The following NALF1 variants were observed in gnomAD, a reference collection of about 807,000 sequenced individuals.
The protein encoded by NALF1 is family with sequence similarity 155 member A.
A neutral mutation model predicts 48.4 loss-of-function variants in NALF1; 3 were observed. That is an observed-to-expected ratio of 0.06 (90% confidence interval 0.03 to 0.16). The LOEUF is 0.16. Ranked by LOEUF, NALF1 falls within the 10% of genes least tolerant of loss-of-function variation. NALF1 has a pLI of 1.00. For missense variants in NALF1, 526 were observed against 571.5 expected (o/e 0.92, Z 0.81); for synonymous variants, 262 against 245.7 (o/e 1.07, Z -0.62).
At chr13:107,406,146 C>T (rs536828115) in intron 1 of NALF1, among the ~76,000 whole-genome samples, 3 of 152,138 alleles carry the variant, frequency 2.0e-5, no homozygotes, top group African/African-American at 4.8e-5. Context: ...AAGAACATCA[C>T]ACACTTCCTT....
chr13:107,472,085 A>G (rs1885109812), intron 1 of NALF1, among the ~76,000 whole-genome samples: 1 of 152,196 alleles, frequency 6.6e-6, no homozygotes, highest in East Asian at 1.9e-4. Flanking sequence ...TAATCTCAGA[A>G]CTTTGGGAGG....
At chr13:107,582,338 C>CA in intron 1 of NALF1, among the ~76,000 whole-genome samples, 1 of 152,256 alleles carries the variant, frequency 6.6e-6, no homozygotes. Flanking sequence ...CAGAGGGTAA[C>CA]AAACATGACA....
At chr13:107,337,431 C>A (rs1006156972) in intron 1 of NALF1, among the ~76,000 whole-genome samples, 1 of 152,106 alleles carries the variant, frequency 6.6e-6, no homozygotes, top group East Asian at 1.9e-4. Context: ...TCTCTCTTTG[C>A]AATTCTTCAG....
chr13:107,511,715 A>G (rs1875896795), intron 1 of NALF1, among the ~76,000 whole-genome samples: 1 of 152,090 alleles, frequency 6.6e-6, no homozygotes, highest in South Asian at 2.1e-4. Flanking sequence ...CCAGGGGCCA[A>G]TCTTGTATAA....
chr13:107,455,474 A>G (rs1415452775), intron 1 of NALF1, among the ~76,000 whole-genome samples: 2 of 152,272 alleles, frequency 1.3e-5, no homozygotes, highest in South Asian at 4.2e-4. Flanking sequence ...CCCTGCCTCT[A>G]TCTGCTATGA....
At chr13:107,366,397 CT>C (rs1206709997) in intron 1 of NALF1, among the ~76,000 whole-genome samples, 1 of 152,172 alleles carries the variant, frequency 6.6e-6, no homozygotes, top group African/African-American at 2.4e-5. Context: ...CCTCTGCTGT[CT>C]ATGAAATTCT....
At chr13:107,442,647 A>C (rs1264097844) in intron 1 of NALF1, among the ~76,000 whole-genome samples, 1 of 152,196 alleles carries the variant, frequency 6.6e-6, no homozygotes, top group Non-Finnish European at 1.5e-5. Flanking sequence ...CCTCCAGCAA[A>C]CCTTTTGAAT....
chr13:107,723,374 T>A (rs1876045355), intron 1 of NALF1, among the ~76,000 whole-genome samples: 1 of 152,148 alleles, frequency 6.6e-6, no homozygotes, highest in African/African-American at 2.4e-5. Context: ...CTGTCTAAAT[T>A]GTGTTCCCAT....
chr13:107,304,458 T>A (rs971313138), intron 1 of NALF1, among the ~76,000 whole-genome samples: 1 of 152,210 alleles, frequency 6.6e-6, no homozygotes, highest in African/African-American at 2.4e-5. Flanking sequence ...GGATGTGTTA[T>A]CTCAACTGAT....
At chr13:107,306,109 G>A (rs1201968265) in intron 1 of NALF1, among the ~76,000 whole-genome samples, 1 of 151,996 alleles carries the variant, frequency 6.6e-6, no homozygotes, top group Non-Finnish European at 1.5e-5. Flanking sequence ...CTTTATATAT[G>A]TTTGAAAATT....
chr13:107,532,219 G>A (rs1876662158), intron 1 of NALF1, among the ~76,000 whole-genome samples: 1 of 149,450 alleles, frequency 6.7e-6, no homozygotes, highest in Non-Finnish European at 1.5e-5. Context: ...GCCTTTCAAG[G>A]TCAACATTTT....
chr13:107,817,747 G>T (rs1168762019), intron 1 of NALF1, among the ~76,000 whole-genome samples: 1 of 152,090 alleles, frequency 6.6e-6, no homozygotes, highest in East Asian at 1.9e-4. Context: ...GTGCTTCCAT[G>T]GTACGCTGCA....
intron 1 of NALF1, among the ~76,000 whole-genome samples, chr13:107,489,160 T>C (rs1479156380): frequency 2.0e-5 from 3 of 152,170 alleles, no homozygotes; most frequent in Non-Finnish European, 4.4e-5. Flanking sequence ...AAACATTCCA[T>C]GCTCATGGAT....
intron 1 of NALF1, among the ~76,000 whole-genome samples, chr13:107,646,138 A>G: frequency 6.6e-6 from 1 of 152,136 alleles, no homozygotes; most frequent in Non-Finnish European, 1.5e-5. Flanking sequence ...TTAAAATTGC[A>G]TCTAACGTTT....
chr13:107,368,070 G>A (rs531913094), intron 1 of NALF1, among the ~76,000 whole-genome samples: 24 of 152,116 alleles, frequency 1.6e-4, no homozygotes, highest in African/African-American at 5.8e-4. Context: ...TTATTTTTAG[G>A]TACATTCCTA....
intron 1 of NALF1, among the ~76,000 whole-genome samples, chr13:107,447,888 T>C (rs1430983776): frequency 6.6e-6 from 1 of 152,140 alleles, no homozygotes; most frequent in Admixed American, 6.5e-5. Flanking sequence ...GCATTTGACT[T>C]TGGCTGGTCT....
chr13:107,818,871 C>CAAAAAAAAAAAAAAAAAAAAAAAAAAAA (rs774372636), intron 1 of NALF1, among the ~76,000 whole-genome samples: 1 of 73,812 alleles, frequency 1.4e-5, no homozygotes, highest in African/African-American at 4.2e-5. Flanking sequence ...GACTCCGTCT[C>CAAAAAAAAAAAAAAAAAAAAAAAAAAAA]AAAAAAAAAA....
intron 1 of NALF1, among the ~76,000 whole-genome samples, chr13:107,769,815 A>G (rs1354963049): frequency 6.6e-6 from 1 of 152,210 alleles, no homozygotes; most frequent in Non-Finnish European, 1.5e-5. Context: ...GTCTGAGCCT[A>G]AAGTATAATG....
chr13:107,201,372 C>G (rs560678642), intron 2 of NALF1, among the ~76,000 whole-genome samples: 1 of 152,118 alleles, frequency 6.6e-6, no homozygotes, highest in East Asian at 1.9e-4. Flanking sequence ...GTCAGGAGAT[C>G]GAGACCAGCC....
Sources: allele counts gnomAD v4.1 joint callset (sites outside exome capture counted in the v4.1 genomes callset), GRCh38; gene constraint gnomAD v4.1.1; transcripts MANE v1.5; gene names NCBI Gene and HGNC (gene_info 2026-07-23, HGNC 2026-07-21).